Variants in JAK2 observed in about 807,000 individuals in gnomAD.
JAK2 encodes the protein tyrosine-protein kinase JAK2.
JAK2 carries 86 observed loss-of-function variants against 139.3 expected under a neutral mutation model. The ratio of observed to expected loss-of-function variants is 0.62; its 90% CI spans 0.52 to 0.74. The LOEUF is 0.74. Among genes scored for constraint, JAK2 ranks in the 30% least tolerant of loss-of-function variants. JAK2 has a pLI of 0.00. For missense variants in JAK2, 1,421 were observed against 1,360.3 expected, an observed-to-expected ratio of 1.04 and a Z score of -0.70; for synonymous variants, 490 against 437.7, an observed-to-expected ratio of 1.12 and a Z score of -1.49.
intron 22 of JAK2, chr9:5,111,362 C>T: frequency 2.5e-6 from 1 of 407,316 alleles, no homozygotes; most frequent in South Asian, 2.0e-5. Context: ...GGTACTACCC[C>T]TCCTACGCCA....
chr9:5,087,666 T>G (rs867500215), intron 19 of JAK2, among the ~76,000 whole-genome samples: 2 of 152,240 alleles, frequency 1.3e-5, no homozygotes, highest in Non-Finnish European at 2.9e-5. Flanking sequence ...TGATCATTGT[T>G]GGCAGGGATG....
chr9:4,996,674 TAA>T (rs60446344), intron 2 of JAK2, among the ~76,000 whole-genome samples: 1 of 151,046 alleles, frequency 6.6e-6, no homozygotes, highest in Non-Finnish European at 1.5e-5. Flanking sequence ...CCTGTCTTGT[TAA>T]AAAAAAATTA....
chr9:5,083,906 C>T (rs891199597), intron 19 of JAK2, among the ~76,000 whole-genome samples: 2 of 152,020 alleles, frequency 1.3e-5, no homozygotes, highest in Admixed American at 1.3e-4. Flanking sequence ...ATAGTGAAAC[C>T]ATTCTATATA....
intron 19 of JAK2, among the ~76,000 whole-genome samples, chr9:5,082,870 G>A (rs1819807624): frequency 1.3e-5 from 2 of 152,326 alleles, no homozygotes; most frequent in South Asian, 4.1e-4. Context: ...TCAGGTTGGG[G>A]CAAAGTTACA....
rs201992086 is a variant in JAK2, at chr9:5,080,639, C to G, written c.2390C>G (p.Ser797Cys). The change falls in exon 18 of 25, where the codon TCT (serine) becomes TGT (cysteine). Residue 797 changes from serine (S) to cysteine (C), a missense_variant. Physicochemically the swap from Ser to Cys is moderately radical, Grantham distance 112 (BLOSUM62 -1). Coordinates refer to ENST00000381652, the MANE Select transcript of JAK2 (RefSeq NM_004972.4). ...GATTATGAACCAGATTTCAGGCCTT[C>G]TTTCAGAGCCATCATACGAGATCTT... The part of the protein sequence containing the change: ...CMDYEPDFRP[S>C]FRAIIRDLNS... The G allele has an allele frequency of 3.1e-4, 501 of 1,601,548 alleles. 1 individual carries two copies. Among genetic ancestry groups the G allele is most frequent in the Non-Finnish European group, 4.0e-4 (468 of 1,176,142 alleles).
chr9:5,036,096 CAG>C (rs934205615), intron 4 of JAK2, among the ~76,000 whole-genome samples: 1 of 152,172 alleles, frequency 6.6e-6, no homozygotes, highest in Non-Finnish European at 1.5e-5. Flanking sequence ...AACAGACAAA[CAG>C]AGAGCCAAAT....
At chr9:5,064,218 A>C (rs1818403521) in intron 8 of JAK2, among the ~76,000 whole-genome samples, 1 of 152,090 alleles carries the variant, frequency 6.6e-6, no homozygotes, top group Non-Finnish European at 1.5e-5. Context: ...TTGTAGCATG[A>C]ATACTTTAGC....
chr9:4,986,880 C>T (rs1355130623), intron 2 of JAK2, among the ~76,000 whole-genome samples: 1 of 152,136 alleles, frequency 6.6e-6, no homozygotes, highest in African/African-American at 2.4e-5. Context: ...GAATTTTCCC[C>T]TTGTAGCATC....
chr9:5,124,132 G>A (rs114830459), intron 23 of JAK2, among the ~76,000 whole-genome samples: 71 of 151,902 alleles, frequency 4.7e-4, no homozygotes, highest in African/African-American at 1.7e-3. Context: ...TACAAAGTTT[G>A]CAAATATTTT....
At chr9:5,083,802 A>G (rs908687231) in intron 19 of JAK2, among the ~76,000 whole-genome samples, 8 of 152,190 alleles carry the variant, frequency 5.3e-5, no homozygotes, top group African/African-American at 1.9e-4. Flanking sequence ...CTAGTTATGA[A>G]AGTGATATAC....
At chr9:5,109,957 A>C (rs887908134) in intron 22 of JAK2, 8 of 152,212 alleles carry the variant, frequency 5.3e-5, no homozygotes, top group African/African-American at 1.9e-4. Flanking sequence ...GCAGATGCTA[A>C]TACAGCAGCC....
intron 2 of JAK2, among the ~76,000 whole-genome samples, chr9:5,007,797 G>C (rs1180326769): frequency 6.6e-6 from 1 of 150,836 alleles, no homozygotes; most frequent in Admixed American, 6.6e-5. Context: ...TCTGAGCCTT[G>C]GCTCACTGCA....
rs190022320 is a variant in JAK2 at position 5,037,098 on chromosome 9, A to G, written c.350+7192A>G. Among the ~76,000 whole-genome samples the G allele has an allele frequency of 2.0e-5, 3 of 152,364 alleles. No individual in the cohort carries two copies. In the East Asian group the frequency reaches 5.8e-4, roughly 29 times the overall value. ...GAAGACATTTATGCAGCCAAAAGACATGAAAAAATGCTCATCACCACTGGC... is the reference window on the plus strand; with the variant it reads ...GAAGACATTTATGCAGCCAAAAGACGTGAAAAAATGCTCATCACCACTGGC... On this transcript the variant is annotated intron_variant, in intron 4 of 24. Transcript: ENST00000381652.
At chr9:5,079,160 G>A (rs571927142) in intron 16 of JAK2, among the ~76,000 whole-genome samples, 22 of 152,320 alleles carry the variant, frequency 1.4e-4, no homozygotes, top group African/African-American at 5.3e-4. Context: ...GGAGTAGGGA[G>A]TATGGCAGAA....
At chr9:5,083,262 ACT>A (rs1357145286) in intron 19 of JAK2, among the ~76,000 whole-genome samples, 1 of 152,092 alleles carries the variant, frequency 6.6e-6, no homozygotes, top group Non-Finnish European at 1.5e-5. Context: ...ACTAGCAGAG[ACT>A]CTGTCTATTA....
intron 2 of JAK2, among the ~76,000 whole-genome samples, chr9:4,989,548 T>G (rs767256019): frequency 4.6e-5 from 7 of 152,216 alleles, no homozygotes; most frequent in Non-Finnish European, 5.9e-5. Context: ...AACAAATATT[T>G]GTTAATACTT....
At chr9:5,105,207 A>G (rs572952877) in intron 22 of JAK2, among the ~76,000 whole-genome samples, 1 of 152,248 alleles carries the variant, frequency 6.6e-6, no homozygotes, top group Non-Finnish European at 1.5e-5. Context: ...CAACTTCAGC[A>G]AAGTCTCAGG....
intron 11 of JAK2, among the ~76,000 whole-genome samples, chr9:5,069,421 T>C (rs1818793916): frequency 6.6e-6 from 1 of 152,158 alleles, no homozygotes; most frequent in African/African-American, 2.4e-5. Context: ...TATTCTAAAA[T>C]GAGATTTTAA....
At chr9:5,072,686 T>C (rs1221876124) in intron 13 of JAK2, 60 bp downstream of exon 13, 2 of 1,299,928 alleles carry the variant, frequency 1.5e-6, no homozygotes, top group Admixed American at 4.9e-5. Context: ...TGCTCTCATA[T>C]GCATACAACG....
Sources: gnomAD v4.1 joint callset for allele counts (sites outside exome capture counted in the v4.1 genomes callset) on GRCh38, gnomAD v4.1.1 for gene constraint, MANE v1.5 for transcripts, NCBI Gene and HGNC (gene_info 2026-07-23, HGNC 2026-07-21) for gene names.